The following NISCH variants were observed in gnomAD, a reference collection of about 807,000 sequenced individuals.
NISCH encodes nischarin, also known as I-1 receptor candidate protein.
A neutral mutation model predicts 138.4 loss-of-function variants in NISCH; 55 were observed. The ratio of observed to expected loss-of-function variants is 0.40; its 90% CI spans 0.32 to 0.50. The LOEUF (loss-of-function observed/expected upper bound fraction) is 0.50, where lower values mean the gene tolerates loss of function less well. Ranked by LOEUF, NISCH falls within the 20% of genes least tolerant of loss-of-function variation. The pLI is 0.71. For synonymous variants in NISCH, 860 were observed against 861.5 expected (o/e 1.00, Z 0.03); for missense variants, 1,643 against 2,005.5 (o/e 0.82, Z 3.45).
At position 52,461,866 on chromosome 3, in the gene NISCH, A is replaced by C. The variant is rs552137733; in HGVS notation, c.360+3022A>C. 1.3e-3 allele frequency among the ~76,000 whole-genome samples: 198 copies of C among 151,816 alleles called. 1 individual carries two copies. Among genetic ancestry groups the C allele is most frequent in the African/African-American group, 4.5e-3 (188 of 41,498 alleles). On this transcript the variant is annotated intron_variant, in intron 3 of 20. Transcript: ENST00000345716. Reference sequence around the variant, plus strand: ...CGACAGAGCAAGACTCCGTCACAAAAAAAAAAAAAAAAGAAATATTGTATT... The same window carrying C: ...CGACAGAGCAAGACTCCGTCACAAACAAAAAAAAAAAAGAAATATTGTATT...
intron 7 of NISCH, 120 bp downstream of exon 7, chr3:52,473,949 C>T: frequency 5.3e-6 from 3 of 568,462 alleles, no homozygotes; most frequent in Non-Finnish European, 9.1e-6. Context: ...AGAGGCTGGA[C>T]CTTCTGTGGG....
intron 3 of NISCH, among the ~76,000 whole-genome samples, chr3:52,466,895 C>CGGCAGGTGGTG (rs1374861801): frequency 6.6e-6 from 1 of 152,026 alleles, no homozygotes; most frequent in African/African-American, 2.4e-5. Context: ...CACAGAATCC[C>CGGCAGGTGGTG]GGCAGGTGGT....
intron 18 of NISCH, among the ~76,000 whole-genome samples, 184 bp downstream of exon 18, chr3:52,490,415 G>A (rs1336870105): frequency 6.6e-6 from 1 of 152,194 alleles, no homozygotes; most frequent in Admixed American, 6.5e-5. Context: ...GGCCAGATGT[G>A]AACGCAGAAT....
chr3:52,478,318 T>C, intron 10 of NISCH, 36 bp downstream of exon 10: 6 of 1,609,860 alleles, frequency 3.7e-6, no homozygotes, highest in Non-Finnish European at 5.1e-6. Flanking sequence ...GGGATTTCTG[T>C]GCCTTGGTGT....
intron 3 of NISCH, among the ~76,000 whole-genome samples, chr3:52,466,542 T>G: frequency 7.4e-6 from 1 of 135,254 alleles, no homozygotes; most frequent in African/African-American, 2.8e-5. Context: ...TCAGCATGGG[T>G]GACAGGGCAA....
In NISCH at chr3:52,471,821, G is replaced by T; in HGVS notation, c.417G>T (p.Gln139His). 6.2e-7 allele frequency: 1 copy of T among 1,614,032 alleles called. No homozygotes were observed. Among genetic ancestry groups the T allele is most frequent in the Non-Finnish European group, 8.5e-7 (1 of 1,179,982 alleles). ...AGGGCATGGCTCTTGCAGGAGAACA[G>T]CTCCTGGGGGCCGGCGAGGTCTTTG... ...LAEELFEKGE[Q>H]LLGAGEVFAI... The change falls in exon 5 of 21, where the codon CAG (glutamine) becomes CAT (histidine). Residue 139 changes from glutamine to histidine, a missense_variant. Physicochemically the swap from Gln to His is conservative, Grantham distance 24 (BLOSUM62 0). Transcript: ENST00000345716.
At chr3:52,466,895 C>T (rs1191182656) in intron 3 of NISCH, among the ~76,000 whole-genome samples, 1 of 152,026 alleles carries the variant, frequency 6.6e-6, no homozygotes, top group Non-Finnish European at 1.5e-5. Flanking sequence ...CACAGAATCC[C>T]GGCAGGTGGT....
At position 52,484,601 on chromosome 3, in the gene NISCH, A is replaced by T. The variant is rs1022460850; in HGVS notation, c.1617A>T (p.Gly539=). The T allele has an allele frequency of 2.5e-6, 4 of 1,613,668 alleles. No homozygotes were observed. In the African/African-American group the frequency reaches 5.3e-5, roughly 22 times the overall value. Residue 539 remains glycine, a synonymous_variant, in exon 14 of 21, where the codon GGA becomes GGT. Transcript: ENST00000345716. The part of the protein sequence containing the change: ...LTPEHQPIAQ[G]CSDSLESIPA... ...CCGAGCACCAGCCCATTGCCCAGGGATGTTCTGATTCCTTGGAGTCCATCC... is the reference window on the plus strand; with the variant it reads ...CCGAGCACCAGCCCATTGCCCAGGGTTGTTCTGATTCCTTGGAGTCCATCC...
At chr3:52,472,609 G>A (rs1301929839) in intron 6 of NISCH, among the ~76,000 whole-genome samples, 6 of 152,248 alleles carry the variant, frequency 3.9e-5, no homozygotes, top group Non-Finnish European at 7.3e-5. Flanking sequence ...CTTCCCTGGC[G>A]TGAGCTGCAG....
At position 52,465,601 on chromosome 3, in the gene NISCH, A is replaced by G. The variant is rs865788750; in HGVS notation, c.361-5258A>G. On this transcript the variant is annotated intron_variant, in intron 3 of 20. Coordinates refer to ENST00000345716, the MANE Select transcript of NISCH (RefSeq NM_007184.4). ...TCCTGACCCTCCTGGACGCGTGGTG[A>G]CAGGCCTCATCCCAGAACCCCTGGA... Among the ~76,000 whole-genome samples the G allele has an allele frequency of 2.9e-4, 44 of 152,278 alleles. 1 individual carries two copies. The Middle Eastern group carries it at 0.02, about 71-fold the overall frequency.
chr3:52,492,700 C>A lies in NISCH; in HGVS notation c.*218C>A. 1 of 626,548 alleles carries A rather than the reference C, an allele frequency of 1.6e-6. No homozygotes were observed. The highest frequency in any genetic ancestry group is 2.7e-6 in the Non-Finnish European group (1 of 369,630). 38.8% of individuals were successfully genotyped at this position (626,548 alleles called of 1,614,324 possible). A position where few individuals can be genotyped will look rare whatever the true frequency, so the allele number is the denominator to read the frequency against. On this transcript the variant is annotated 3_prime_UTR_variant, in exon 21 of 21. Coordinates refer to ENST00000345716, the MANE Select transcript of NISCH (RefSeq NM_007184.4). The stretch of plus-strand genomic sequence containing the variant: ...GGGCTGTCGGTGTGCTGTCAGCCTC[C>A]CACAGGTGGTACAGCCGTGCACACC...
In NISCH at chr3:52,479,919, C is replaced by T. The variant is rs1707218986; in HGVS notation, c.1416+57C>T. 2.8e-6 allele frequency: 4 copies of T among 1,406,706 alleles called. No homozygotes were observed. The South Asian group carries it at 4.9e-5, about 17-fold the overall frequency. 87.1% of individuals were successfully genotyped at this position (1,406,706 alleles called of 1,614,324 possible). A position where few individuals can be genotyped will look rare whatever the true frequency, so the allele number is the denominator to read the frequency against. On this transcript the variant is annotated intron_variant, in intron 12 of 20. Transcript: ENST00000345716. The stretch of plus-strand genomic sequence containing the variant: ...GTGCAGAGCCAGCCGGGATAGGAGC[C>T]AGTTTGGGGGGCTTGGGCCATGGGA...
chr3:52,471,707 CAG>C, intron 4 of NISCH, 105 bp from the exon 5 acceptor site: 1 of 1,371,824 alleles, frequency 7.3e-7, no homozygotes, highest in Non-Finnish European at 1.0e-6. Context: ...TGCCCTGACA[CAG>C]TGGGTGCTTG....
Position 52,484,604 on chromosome 3 carries a change from T to G in NISCH, c.1620T>G (p.Cys540Trp). 6.2e-7 allele frequency: 1 copy of G among 1,613,980 alleles called. No individual in the cohort carries two copies. The highest frequency in any genetic ancestry group is 8.5e-7 in the Non-Finnish European group (1 of 1,180,006). The change falls in exon 14 of 21, where the codon TGT becomes TGG. Residue 540 changes from cysteine to tryptophan, a missense_variant. Physicochemically the swap from Cys to Trp is radical, Grantham distance 215 (BLOSUM62 -2). Transcript: ENST00000345716. ...TPEHQPIAQGCSDSLESIPAG... is the reference protein window; with the variant it reads ...TPEHQPIAQGWSDSLESIPAG... ...AGCACCAGCCCATTGCCCAGGGATG[T>G]TCTGATTCCTTGGAGTCCATCCCTG...
intron 14 of NISCH, 54 bp downstream of exon 14, chr3:52,484,691 G>T: frequency 2.5e-6 from 4 of 1,605,526 alleles, no homozygotes; most frequent in Non-Finnish European, 3.4e-6. Flanking sequence ...GGACTCTTCT[G>T]CTTGGGGTTG....
chr3:52,480,692 G>A (rs1013708986), intron 13 of NISCH: 15 of 1,419,790 alleles, frequency 1.1e-5, no homozygotes, highest in South Asian at 1.6e-5. Context: ...TCTGGAGCCC[G>A]AATCCCTGTG....
At chr3:52,485,701 C>A in intron 14 of NISCH, 77 bp from the exon 15 acceptor site, 1 of 1,500,372 alleles carries the variant, frequency 6.7e-7, no homozygotes, top group Non-Finnish European at 9.1e-7. Flanking sequence ...GAATGCCCAG[C>A]TCAGGGTCTG....
rs747651412 is a variant in NISCH, at chr3:52,489,635, G to A, written c.3413G>A (p.Arg1138Gln). 14 of 1,612,790 alleles carry A rather than the reference G, an allele frequency of 8.7e-6. No individual in the cohort carries two copies. In the Admixed American group the frequency reaches 1.2e-4, roughly 13 times the overall value. ...CPSLRHVASL[R>Q]GSAIIELFHS... is the part of the protein sequence containing the mutation. ...TCGCTCCGGCACGTCGCCAGCCTGCGGGGCAGCGCCATCATCGAGCTCTTC... is the reference window on the plus strand; with the variant it reads ...TCGCTCCGGCACGTCGCCAGCCTGCAGGGCAGCGCCATCATCGAGCTCTTC... Residue 1138 changes from arginine to glutamine, a missense_variant, in exon 17 of 21, where the codon CGG becomes CAG. By Grantham distance (43) the Arg-to-Gln change is conservative. Transcript: ENST00000345716.
rs777094471 is a variant in NISCH, at chr3:52,458,709, G to A, written c.225G>A (p.Lys75=). 6.2e-7 allele frequency: 1 copy of A among 1,613,830 alleles called. No individual in the cohort carries two copies. Among genetic ancestry groups the A allele is most frequent in the Non-Finnish European group, 8.5e-7 (1 of 1,179,956 alleles). The change falls in exon 3 of 21, where the codon AAG becomes AAA. Residue 75 remains lysine, a synonymous_variant. Coordinates refer to ENST00000345716, the MANE Select transcript of NISCH (RefSeq NM_007184.4). ...KIDKNLLPPK[K]IIGKNSRSLV... is the part of the protein sequence containing the mutation. ...ATAAAAATCTGCTTCCGCCCAAAAA[G>A]ATAATTGGGAAAAACTCAAGAAGCT... is the stretch of plus-strand genomic sequence containing the variant.
Sources: gnomAD v4.1 joint callset for allele counts (sites outside exome capture counted in the v4.1 genomes callset) on GRCh38, gnomAD v4.1.1 for gene constraint, MANE v1.5 for transcripts, NCBI Gene and HGNC (gene_info 2026-07-23, HGNC 2026-07-21) for gene names.